Variants in SIRT4 observed in about 807,000 individuals in gnomAD.
SIRT4 encodes sirtuin 4, also known as NAD-dependent protein lipoamidase sirtuin-4, mitochondrial.
SIRT4 carries 23 observed loss-of-function variants against 26.1 expected under a neutral mutation model. The observed-to-expected ratio is 0.88, with a 90% confidence interval of 0.63 to 1.25. SIRT4 has a LOEUF of 1.25. Ranked by LOEUF, SIRT4 falls within the 50% of genes most tolerant of loss-of-function variation. SIRT4 has a pLI of 0.00. For missense variants in SIRT4, 361 were observed against 405.4 expected, an observed-to-expected ratio of 0.89 and a Z score of 0.94; for synonymous variants, 155 against 158.4, an observed-to-expected ratio of 0.98 and a Z score of 0.16.
the SIRT4 span, among the ~76,000 whole-genome samples, chr12:120,296,502 G>T: frequency 5.9e-5 from 8 of 135,188 alleles, no homozygotes; most frequent in African/African-American, 8.6e-5. Flanking sequence ...AACTTGTTTT[G>T]TGTTTTTTTT....
intron 2 of SIRT4, among the ~76,000 whole-genome samples, chr12:120,304,831 ATATATTTTTTT>A (rs1173803108): frequency 7.1e-4 from 4 of 5,616 alleles, no homozygotes; most frequent in East Asian, 4.1e-3. Flanking sequence ...ATATATATAT[ATATATTTTTTT>A]TTTTTTTTTT....
chr12:120,313,003 T>C lies in SIRT4; in HGVS notation c.912T>C (p.Cys304=). 1 of 1,614,168 alleles carries C rather than the reference T, an allele frequency of 6.2e-7. No homozygotes were observed. Among genetic ancestry groups the C allele is most frequent in the South Asian group, 1.1e-5 (1 of 91,082 alleles). The change falls in exon 4 of 4, where the codon TGT becomes TGC. Residue 304 remains cysteine, a synonymous_variant. Coordinates refer to ENST00000202967, the MANE Select transcript of SIRT4 (RefSeq NM_012240.3). The part of the protein sequence containing the change: ...DLACLKLNSR[C]GELLPLIDPC ...CGTGTCTGAAACTGAATTCTCGTTG[T>C]GGAGAGTTGCTGCCTTTGATAGACC...
chr12:120,293,068 C>G, the SIRT4 span: 3 of 116,474 alleles, frequency 2.6e-5, no homozygotes, highest in East Asian at 3.4e-4. Context: ...CAAAAAAAGC[C>G]TCTGTTGTTC....
chr12:120,293,209 T>A, the SIRT4 span: 3 of 152,192 alleles, frequency 2.0e-5, no homozygotes, highest in Admixed American at 1.3e-4. Flanking sequence ...TAGACCTCAT[T>A]GGCTACGATA....
At chr12:120,293,302 TA>T in the SIRT4 span, 1 of 152,232 alleles carries the variant, frequency 6.6e-6, no homozygotes, top group African/African-American at 2.4e-5. Flanking sequence ...AAGGTGAGTT[TA>T]GGGCCTATGG....
chr12:120,299,165 G>A (rs1160785921), upstream of SIRT4, among the ~76,000 whole-genome samples: 1 of 150,966 alleles, frequency 6.6e-6, no homozygotes, highest in Non-Finnish European at 1.5e-5. Context: ...AGCTTGTAGT[G>A]GGCCGAGATC....
chr12:120,292,969 C>A, the SIRT4 span: 4 of 152,170 alleles, frequency 2.6e-5, no homozygotes, highest in South Asian at 4.1e-4. Context: ...TCTCGCGAAT[C>A]AGCTGGTAAG....
intron 2 of SIRT4, among the ~76,000 whole-genome samples, chr12:120,306,541 C>T (rs1237177211): frequency 2.0e-5 from 3 of 151,448 alleles, no homozygotes; most frequent in Non-Finnish European, 2.9e-5. Context: ...GTGGCTCATG[C>T]TTGTAATCCC....
In SIRT4 at chr12:120,303,882, G is replaced by T; in HGVS notation, c.321G>T (p.Ala107=). The part of the protein sequence containing the change: ...RSAPIRQRYW[A]RNFVGWPQFS... ...CCCCAATCCGCCAGCGGTACTGGGC[G>T]AGAAACTTCGTAGGCTGGCCTCAAT... Residue 107 remains alanine (A), a synonymous_variant, in exon 2 of 4, where the codon GCG becomes GCT. Coordinates refer to ENST00000202967, the MANE Select transcript of SIRT4 (RefSeq NM_012240.3). 2 of 1,614,204 alleles carry T rather than the reference G, an allele frequency of 1.2e-6. No individual in the cohort carries two copies. Among genetic ancestry groups the T allele is most frequent in the Non-Finnish European group, 1.7e-6 (2 of 1,180,034 alleles).
In SIRT4 at chr12:120,312,951, T is replaced by C. The variant is rs754219237; in HGVS notation, c.860T>C (p.Ile287Thr). The C allele has an allele frequency of 5.6e-6, 9 of 1,614,184 alleles. No individual in the cohort carries two copies. The highest frequency in any genetic ancestry group is 4.4e-5 in the South Asian group (4 of 91,084). ...EKKLPIAILNIGPTRSDDLAC... is the reference protein window; with the variant it reads ...EKKLPIAILNTGPTRSDDLAC... ...AAGCTCCCGATTGCAATACTGAACA[T>C]TGGGCCCACACGGTCGGATGACTTG... Residue 287 changes from isoleucine (I) to threonine (T), a missense_variant, in exon 4 of 4, where the codon ATT becomes ACT. Ile to Thr is a moderately conservative substitution (Grantham distance 89). Coordinates refer to ENST00000202967, the MANE Select transcript of SIRT4 (RefSeq NM_012240.3).
the SIRT4 span, among the ~76,000 whole-genome samples, chr12:120,292,287 G>GAA: frequency 7.9e-5 from 12 of 152,140 alleles, no homozygotes; most frequent in African/African-American, 2.9e-4. Context: ...ATAATTTTAG[G>GAA]ACGTCACTGT....
upstream of SIRT4, among the ~76,000 whole-genome samples, chr12:120,302,005 G>A (rs1463597401): frequency 7.1e-6 from 1 of 140,556 alleles, no homozygotes; most frequent in Non-Finnish European, 1.5e-5. Context: ...CCGAGATCGT[G>A]CCACTGCACT....
At chr12:120,302,049 C>A (rs1379484357), upstream of SIRT4, among the ~76,000 whole-genome samples, 12 of 129,360 alleles carry the variant, frequency 9.3e-5, no homozygotes, top group Admixed American at 3.0e-4. Flanking sequence ...AAAAAAACAA[C>A]AACTCCGTCT....
At chr12:120,294,884 T>C in the SIRT4 span, among the ~76,000 whole-genome samples, 2 of 149,496 alleles carry the variant, frequency 1.3e-5, no homozygotes, top group South Asian at 2.1e-4. Context: ...CTGGAGTACA[T>C]AGACTCAATC....
chr12:120,304,188 A>T (rs893009950), intron 2 of SIRT4, 130 bp downstream of exon 2: 74 of 1,185,054 alleles, frequency 6.2e-5, no homozygotes, highest in Non-Finnish European at 8.1e-5. Context: ...TTTATTTTGC[A>T]GTTGATTCCA....
rs755218104 is a variant in SIRT4, at chr12:120,303,906, A to G, written c.345A>G (p.Gln115=). 29 of 1,614,132 alleles carry G rather than the reference A, an allele frequency of 1.8e-5. No individual in the cohort carries two copies. The highest frequency in any genetic ancestry group is 1.8e-4 in the South Asian group (16 of 91,080). ...YWARNFVGWP[Q]FSSHQPNPAH... ...CGAGAAACTTCGTAGGCTGGCCTCAATTCTCCTCCCACCAGCCTAACCCTG... is the reference window on the plus strand; with the variant it reads ...CGAGAAACTTCGTAGGCTGGCCTCAGTTCTCCTCCCACCAGCCTAACCCTG... Residue 115 remains glutamine, a synonymous_variant, in exon 2 of 4, where the codon CAA becomes CAG. Coordinates refer to ENST00000202967, the MANE Select transcript of SIRT4 (RefSeq NM_012240.3).
At chr12:120,302,056 G>C (rs1312752929), upstream of SIRT4, among the ~76,000 whole-genome samples, 1 of 141,742 alleles carries the variant, frequency 7.1e-6, no homozygotes, top group African/African-American at 2.7e-5. Flanking sequence ...CAACAACTCC[G>C]TCTTAAAAAA....
In SIRT4 at chr12:120,304,074, A is replaced by G; in HGVS notation, c.497+16A>G. 3 of 1,600,818 alleles carry G rather than the reference A, an allele frequency of 1.9e-6. No homozygotes were observed. Among genetic ancestry groups the G allele is most frequent in the Admixed American group, 1.7e-5 (1 of 59,880 alleles). On this transcript the variant is annotated intron_variant, in intron 2 of 3. Coordinates refer to ENST00000202967, the MANE Select transcript of SIRT4 (RefSeq NM_012240.3). Reference sequence around the variant, plus strand: ...GCATGGACAGGTGCAGGAGCTGTACACGGTTTGAACGCAAACCCGTGTGTT... The same window carrying G: ...GCATGGACAGGTGCAGGAGCTGTACGCGGTTTGAACGCAAACCCGTGTGTT...
intron 2 of SIRT4, among the ~76,000 whole-genome samples, chr12:120,305,873 G>A (rs561820170): frequency 1.2e-4 from 19 of 152,086 alleles, no homozygotes; most frequent in African/African-American, 3.6e-4. Flanking sequence ...TTAGCTGGGC[G>A]CGGTGGCGGA....
Sources: gnomAD v4.1 joint callset for allele counts (sites outside exome capture counted in the v4.1 genomes callset) on GRCh38, gnomAD v4.1.1 for gene constraint, MANE v1.5 for transcripts, NCBI Gene and HGNC (gene_info 2026-07-23, HGNC 2026-07-21) for gene names.